PLCL1: variants seen among roughly 807,000 people sequenced by gnomAD.
PLCL1 encodes the protein phospholipase C like 1 (inactive).
Under a neutral mutation model 84.4 loss-of-function variants are expected in PLCL1, and 41 were observed. That is an observed-to-expected ratio of 0.49 (90% CI 0.38 to 0.63). The LOEUF is 0.63. Among genes scored for constraint, PLCL1 ranks in the 30% least tolerant of loss-of-function variants. The pLI, the probability that PLCL1 is intolerant of heterozygous loss-of-function variation, is 0.00. For synonymous variants in PLCL1, 490 were observed against 488.3 expected (o/e 1.00, Z -0.05); for missense variants, 1,206 against 1,367.8 (o/e 0.88, Z 1.87).
chr2:197,907,740 A>G (rs1369386098), intron 1 of PLCL1, among the ~76,000 whole-genome samples: 2 of 152,206 alleles, frequency 1.3e-5, no homozygotes, highest in Admixed American at 6.5e-5. Context: ...GATTACTTCA[A>G]TTCAGTACCT....
chr2:197,977,519 A>G (rs1690011850), intron 1 of PLCL1, among the ~76,000 whole-genome samples: 1 of 152,162 alleles, frequency 6.6e-6, no homozygotes. Flanking sequence ...TTCCAATTCC[A>G]ATCTTATCAA....
intron 5 of PLCL1, among the ~76,000 whole-genome samples, chr2:198,127,381 A>T (rs1358394682): frequency 6.6e-6 from 1 of 152,146 alleles, no homozygotes; most frequent in Non-Finnish European, 1.5e-5. Flanking sequence ...AAGTATAAAG[A>T]TACTGTCTTA....
At chr2:197,927,496 C>T (rs866064257) in intron 1 of PLCL1, among the ~76,000 whole-genome samples, 10 of 152,186 alleles carry the variant, frequency 6.6e-5, no homozygotes, top group Admixed American at 2.0e-4. Flanking sequence ...CTGTCTTTTC[C>T]TAATGCTAAA....
chr2:198,120,734 T>C (rs182820053), intron 5 of PLCL1, among the ~76,000 whole-genome samples: 94 of 152,204 alleles, frequency 6.2e-4, no homozygotes, highest in African/African-American at 2.3e-3. Context: ...GACACTTAGG[T>C]TGCTTCCAAA....
rs1687960134 is a variant in PLCL1 at position 197,888,480 on chromosome 2, T to G, written c.240+83141T>G. Among the ~76,000 whole-genome samples, 3 of 152,178 alleles carry G rather than the reference T, an allele frequency of 2.0e-5. No individual in the cohort carries two copies. In the East Asian group the frequency reaches 5.8e-4, roughly 29 times the overall value. On this transcript the variant is annotated intron_variant, in intron 1 of 5. Transcript: ENST00000428675. ...GAAATTGAGAGAAAAGGTCAGAGGT[T>G]GAGTCATGGAGCTGGGGCTTTCTAG... is the stretch of plus-strand genomic sequence containing the variant.
chr2:198,069,355 G>A (rs1692410076), intron 1 of PLCL1, among the ~76,000 whole-genome samples: 3 of 151,924 alleles, frequency 2.0e-5, no homozygotes, highest in Admixed American at 2.0e-4. Flanking sequence ...CTGGAGTGGT[G>A]ATGCATGCCT....
chr2:198,103,679 A>G (rs1239227514), intron 4 of PLCL1, 148 bp from the exon 5 acceptor site: 1 of 501,700 alleles, frequency 2.0e-6, no homozygotes, highest in African/African-American at 2.0e-5. Flanking sequence ...TGGGATGAAC[A>G]GAATGAAAAG....
intron 1 of PLCL1, among the ~76,000 whole-genome samples, chr2:197,855,706 T>C (rs1265223662): frequency 6.6e-6 from 1 of 152,186 alleles, no homozygotes; most frequent in African/African-American, 2.4e-5. Context: ...CTTGATGTCC[T>C]TCACTTGTTC....
chr2:198,080,789 T>A (rs1692692710), intron 1 of PLCL1, among the ~76,000 whole-genome samples: 1 of 152,214 alleles, frequency 6.6e-6, no homozygotes. Flanking sequence ...CTTTGTAAAA[T>A]GACAACCTAA....
At chr2:197,812,049 A>C (rs923650437) in intron 1 of PLCL1, among the ~76,000 whole-genome samples, 5 of 152,326 alleles carry the variant, frequency 3.3e-5, no homozygotes, top group Non-Finnish European at 7.3e-5. Context: ...ACCACTTACA[A>C]GTGAGAACAT....
chr2:198,122,841 A>C (rs1693899450), intron 5 of PLCL1, among the ~76,000 whole-genome samples: 1 of 152,128 alleles, frequency 6.6e-6, no homozygotes, highest in Non-Finnish European at 1.5e-5. Flanking sequence ...CAGTGTTCTA[A>C]GTGTTTTGTA....
chr2:197,873,562 T>A (rs1687685912), intron 1 of PLCL1, among the ~76,000 whole-genome samples: 1 of 152,186 alleles, frequency 6.6e-6, no homozygotes, highest in South Asian at 2.1e-4. Context: ...CTGAGTTTTA[T>A]GCACATGCAA....
At chr2:197,897,931 G>A (rs1193720115) in intron 1 of PLCL1, among the ~76,000 whole-genome samples, 1 of 152,144 alleles carries the variant, frequency 6.6e-6, no homozygotes, top group African/African-American at 2.4e-5. Context: ...ATCCCATTTG[G>A]ATTCATGATC....
intron 5 of PLCL1, among the ~76,000 whole-genome samples, chr2:198,123,040 A>G (rs1328954763): frequency 3.9e-5 from 6 of 152,180 alleles, no homozygotes; most frequent in African/African-American, 1.4e-4. Flanking sequence ...AGACTGCCCC[A>G]CCTGGTCCAT....
At chr2:198,141,793 A>G (rs1287826054) in intron 5 of PLCL1, among the ~76,000 whole-genome samples, 3 of 152,204 alleles carry the variant, frequency 2.0e-5, no homozygotes, top group African/African-American at 7.2e-5. Flanking sequence ...GGATAAAAGA[A>G]TATCAGAAAA....
At chr2:197,952,731 G>A (rs1458021194) in intron 1 of PLCL1, among the ~76,000 whole-genome samples, 1 of 152,074 alleles carries the variant, frequency 6.6e-6, no homozygotes, top group Non-Finnish European at 1.5e-5. Context: ...ACTGAATTAT[G>A]TTGGCGGTTT....
At chr2:197,899,674 C>T (rs1261711317) in intron 1 of PLCL1, among the ~76,000 whole-genome samples, 1 of 133,510 alleles carries the variant, frequency 7.5e-6, no homozygotes, top group African/African-American at 3.0e-5. Context: ...CTCGCTCTGT[C>T]GCCCAGGCTG....
rs187896259 is a variant in PLCL1 at position 197,950,973 on chromosome 2, T to C, written c.241-132785T>C. On this transcript the variant is annotated intron_variant, in intron 1 of 5. Coordinates refer to ENST00000428675, the MANE Select transcript of PLCL1 (RefSeq NM_006226.4). ...GCTGCTTTAGACAGGAGAAGCATGGTTGTGAAATATTGTATTGTGTTCCCT... is the reference window on the plus strand; with the variant it reads ...GCTGCTTTAGACAGGAGAAGCATGGCTGTGAAATATTGTATTGTGTTCCCT... Among the ~76,000 whole-genome samples the C allele has an allele frequency of 4.7e-3, 721 of 152,178 alleles. 5 individuals carry two copies. The highest frequency in any genetic ancestry group is 0.017 in the African/African-American group (692 of 41,520).
At chr2:198,071,553 A>G (rs949787716) in intron 1 of PLCL1, among the ~76,000 whole-genome samples, 2 of 151,842 alleles carry the variant, frequency 1.3e-5, no homozygotes, top group Non-Finnish European at 3.0e-5. Flanking sequence ...GTAAACATAT[A>G]TATATACATA....
Sources: gnomAD v4.1 joint callset for allele counts (sites outside exome capture counted in the v4.1 genomes callset) on GRCh38, gnomAD v4.1.1 for gene constraint, MANE v1.5 for transcripts, NCBI Gene and HGNC (gene_info 2026-07-23, HGNC 2026-07-21) for gene names.